The following HVCN1 variants were observed in gnomAD, a reference collection of about 807,000 sequenced individuals.
HVCN1 encodes the protein hydrogen voltage gated channel 1.
In HVCN1, 14 loss-of-function variants were observed where a neutral mutation model predicts 29.2. The ratio of observed to expected loss-of-function variants is 0.48; its 90% confidence interval spans 0.32 to 0.75. HVCN1 has a LOEUF of 0.75. HVCN1 is among the 30% of genes least tolerant of loss of function. HVCN1 has a pLI of 0.04. For missense variants in HVCN1, 263 were observed against 341.8 expected, an observed-to-expected ratio of 0.77 and a Z score of 1.82; for synonymous variants, 131 against 133.2, an observed-to-expected ratio of 0.98 and a Z score of 0.11.
At chr12:110,699,058 G>A (rs1371592414) in intron 2 of HVCN1, among the ~76,000 whole-genome samples, 1 of 152,242 alleles carries the variant, frequency 6.6e-6, no homozygotes, top group Non-Finnish European at 1.5e-5. Context: ...AACCCGGGAG[G>A]TGGAGGTTGC....
At chr12:110,695,443 C>A (rs2069475459) in intron 2 of HVCN1, among the ~76,000 whole-genome samples, 1 of 152,008 alleles carries the variant, frequency 6.6e-6, no homozygotes, top group Non-Finnish European at 1.5e-5. Context: ...GTATTCCCAG[C>A]TACTCAGGAG....
intron 2 of HVCN1, among the ~76,000 whole-genome samples, chr12:110,701,789 G>A (rs916230365): frequency 1.3e-5 from 2 of 151,216 alleles, no homozygotes; most frequent in Non-Finnish European, 3.0e-5. Flanking sequence ...CCTGGGAGGC[G>A]AAGGTTGCAG....
chr12:110,682,397 C>A (rs934934522), intron 3 of HVCN1, among the ~76,000 whole-genome samples: 7 of 152,104 alleles, frequency 4.6e-5, no homozygotes, highest in African/African-American at 1.4e-4. Flanking sequence ...TAGGGTTTTG[C>A]CATGTTGACC....
chr12:110,657,049 G>A (rs1171778284), intron 4 of HVCN1, among the ~76,000 whole-genome samples: 1 of 152,132 alleles, frequency 6.6e-6, no homozygotes, highest in Non-Finnish European at 1.5e-5. Context: ...AGTCAAAGAA[G>A]GCAGACAGAC....
At chr12:110,697,542 GCTGGAGGGGCCCACA>G (rs1463385659) in intron 2 of HVCN1, among the ~76,000 whole-genome samples, 13 of 152,116 alleles carry the variant, frequency 8.5e-5, no homozygotes, top group African/African-American at 3.1e-4. Context: ...TGGGAGGACA[GCTGGAGGGGCCCACA>G]CTGGAGTCCC....
intron 3 of HVCN1, among the ~76,000 whole-genome samples, chr12:110,672,484 A>G (rs1269179913): frequency 6.6e-6 from 1 of 152,202 alleles, no homozygotes; most frequent in African/African-American, 2.4e-5. Context: ...CCACAGGGAA[A>G]GGGGTCCTCA....
At chr12:110,675,669 G>A (rs1253324315) in intron 3 of HVCN1, among the ~76,000 whole-genome samples, 1 of 152,044 alleles carries the variant, frequency 6.6e-6, no homozygotes, top group Non-Finnish European at 1.5e-5. Flanking sequence ...ACTTTGAGAG[G>A]CTGAGGTGGG....
chr12:110,698,399 A>T (rs968583168), intron 2 of HVCN1, among the ~76,000 whole-genome samples: 1 of 152,048 alleles, frequency 6.6e-6, no homozygotes, highest in African/African-American at 2.4e-5. Context: ...AGAGCCTTAC[A>T]CTCAAGGGTT....
upstream of HVCN1, among the ~76,000 whole-genome samples, chr12:110,692,385 A>T (rs989732522): frequency 6.6e-6 from 1 of 152,164 alleles, no homozygotes; most frequent in Non-Finnish European, 1.5e-5. Context: ...CTTTGTTCTT[A>T]GTGAGCTCCC....
At chr12:110,651,993 C>T (rs745879911) in intron 5 of HVCN1, among the ~76,000 whole-genome samples, 3 of 152,210 alleles carry the variant, frequency 2.0e-5, no homozygotes, top group Admixed American at 6.5e-5. Context: ...CATAGCAAGA[C>T]CCCATCTCTA....
chr12:110,683,546 G>C (rs980154073), intron 2 of HVCN1, among the ~76,000 whole-genome samples: 1 of 152,178 alleles, frequency 6.6e-6, no homozygotes, highest in African/African-American at 2.4e-5. Context: ...CGACCCGCTT[G>C]TCCATCAATG....
chr12:110,699,495 A>G (rs1397354949), intron 2 of HVCN1, among the ~76,000 whole-genome samples: 2 of 151,978 alleles, frequency 1.3e-5, no homozygotes, highest in African/African-American at 4.8e-5. Context: ...TGTTTGCTCC[A>G]GTCAGCCTGA....
At chr12:110,674,293 A>C (rs59574270) in intron 3 of HVCN1, among the ~76,000 whole-genome samples, 20,690 of 152,100 alleles carry the variant, frequency 0.14, 1,827 homozygotes, top group African/African-American at 0.25. Flanking sequence ...AATACCTGTA[A>C]CCCCCCTGCA....
chr12:110,673,751 C>T (rs2136375974), intron 3 of HVCN1, among the ~76,000 whole-genome samples: 1 of 152,342 alleles, frequency 6.6e-6, no homozygotes, highest in East Asian at 1.9e-4. Flanking sequence ...GTTGAGCCTG[C>T]AGGTGCACAG....
chr12:110,687,402 G>A (rs2069232674), intron 2 of HVCN1, among the ~76,000 whole-genome samples: 1 of 152,166 alleles, frequency 6.6e-6, no homozygotes, highest in Non-Finnish European at 1.5e-5. Context: ...GTCACAGATT[G>A]CAGAGAAGAG....
At chr12:110,704,248 TAAG>T in intron 1 of HVCN1, among the ~76,000 whole-genome samples, 1 of 152,308 alleles carries the variant, frequency 6.6e-6, no homozygotes, top group South Asian at 2.1e-4. Flanking sequence ...GTGTGGCTCT[TAAG>T]AAGAAGGTAG....
Position 110,659,133 on chromosome 12 carries a change from TGCTTTGCTGCTTTCA to T in HVCN1, c.306+2016_306+2030del, listed in dbSNP as rs1049203867. Among the ~76,000 whole-genome samples the T allele has an allele frequency of 5.9e-5, 9 of 152,204 alleles. No homozygotes were observed. In the South Asian group the frequency reaches 8.3e-4, roughly 14 times the overall value. On this transcript the variant is annotated intron_variant, in intron 4 of 7. Transcript: ENST00000242607. ...AGGCGCTCTGGCATGTCAGCTGGCTTGCTTTGCTGCTTTCAGCTTTGCTGCTTTCAGCCACACAAG... is the reference window on the plus strand; with the variant it reads ...AGGCGCTCTGGCATGTCAGCTGGCTTGCTTTGCTGCTTTCAGCCACACAAG...
chr12:110,679,859 C>CA (rs370385245), intron 3 of HVCN1, among the ~76,000 whole-genome samples: 5,434 of 88,046 alleles, frequency 0.062, 174 homozygotes, highest in African/African-American at 0.12. Flanking sequence ...GACTCCGTCT[C>CA]AAAAAAAAAA....
Position 110,656,719 on chromosome 12 carries a change from A to G in HVCN1, c.307-1381T>C, listed in dbSNP as rs1024935072. On this transcript the variant is annotated intron_variant, in intron 4 of 7. Coordinates refer to ENST00000242607, the MANE Select transcript of HVCN1 (RefSeq NM_032369.4). ...GTTCAGGCCTCTGCAAGAACAGACT[A>G]TTAATCCTTTGATCCTTTCAACCTG... 2.6e-5 allele frequency among the ~76,000 whole-genome samples: 4 copies of G among 152,270 alleles called. No individual in the cohort carries two copies. In the South Asian group the frequency reaches 8.3e-4, roughly 31 times the overall value.
Sources: allele counts gnomAD v4.1 joint callset (sites outside exome capture counted in the v4.1 genomes callset), GRCh38; gene constraint gnomAD v4.1.1; transcripts MANE v1.5; gene names NCBI Gene and HGNC (gene_info 2026-07-23, HGNC 2026-07-21).